Variants in HECW2 observed in about 807,000 individuals in gnomAD.
The protein encoded by HECW2 is HECT, C2 and WW domain containing E3 ubiquitin protein ligase 2.
HECW2 carries 61 observed loss-of-function variants against 175.2 expected under a neutral mutation model. The observed-to-expected ratio is 0.35, with a 90% CI of 0.28 to 0.43. The LOEUF is 0.43. Among genes scored for constraint, HECW2 ranks in the 20% least tolerant of loss-of-function variants. HECW2 has a pLI of 1.00. For synonymous variants in HECW2, 671 were observed against 731.0 expected (o/e 0.92, Z 1.32); for missense variants, 1,524 against 2,000.5 (o/e 0.76, Z 4.54).
At chr2:196,212,178 C>T (rs988056432) in intron 28 of HECW2, among the ~76,000 whole-genome samples, 27 of 140,798 alleles carry the variant, frequency 1.9e-4, no homozygotes, top group Admixed American at 1.7e-3. Context: ...ATCCATTTTT[C>T]TCCCATGTGT....
intron 1 of HECW2, among the ~76,000 whole-genome samples, chr2:196,576,677 C>T (rs1690573473): frequency 6.6e-6 from 1 of 152,068 alleles, no homozygotes; most frequent in Non-Finnish European, 1.5e-5. Flanking sequence ...TTGTATACTT[C>T]AAATTTGCTA....
intron 4 of HECW2, chr2:196,331,319 T>C (rs536653385): frequency 2.0e-6 from 2 of 980,556 alleles, no homozygotes; most frequent in African/African-American, 3.5e-5. Context: ...GAGGCAGCAG[T>C]ACACTGGCCA....
intron 3 of HECW2, among the ~76,000 whole-genome samples, chr2:196,335,231 A>G (rs1261078780): frequency 2.0e-5 from 3 of 152,236 alleles, no homozygotes; most frequent in Non-Finnish European, 4.4e-5. Flanking sequence ...TTTTCTGATA[A>G]TTCCACTTTG....
chr2:196,460,518 C>A (rs949532366), intron 1 of HECW2, among the ~76,000 whole-genome samples: 4 of 148,480 alleles, frequency 2.7e-5, no homozygotes, highest in Non-Finnish European at 6.0e-5. Context: ...ATTCATTTAG[C>A]TTTTTCTTTT....
At chr2:196,542,322 GAGA>G (rs926193186) in intron 1 of HECW2, among the ~76,000 whole-genome samples, 24 of 149,192 alleles carry the variant, frequency 1.6e-4, no homozygotes, top group African/African-American at 5.2e-4. Context: ...GTAAACAAGA[GAGA>G]AGAACAAAAG....
chr2:196,498,818 C>T (rs902045671), intron 1 of HECW2, among the ~76,000 whole-genome samples: 1 of 152,038 alleles, frequency 6.6e-6, no homozygotes, highest in Non-Finnish European at 1.5e-5. Flanking sequence ...AGATTTATAA[C>T]TTCCTCAATT....
intron 1 of HECW2, among the ~76,000 whole-genome samples, chr2:196,544,059 G>T (rs1689319440): frequency 6.6e-6 from 1 of 152,224 alleles, no homozygotes; most frequent in South Asian, 2.1e-4. Context: ...GGGATACAAA[G>T]ATGAAGGAGG....
At chr2:196,339,216 A>G (rs1320027794) in intron 3 of HECW2, among the ~76,000 whole-genome samples, 2 of 152,144 alleles carry the variant, frequency 1.3e-5, no homozygotes, top group African/African-American at 4.8e-5. Context: ...AAAGGCTCTG[A>G]TAGTAAAAAT....
chr2:196,511,345 A>G (rs1458188640), intron 1 of HECW2, among the ~76,000 whole-genome samples: 1 of 152,266 alleles, frequency 6.6e-6, no homozygotes, highest in African/African-American at 2.4e-5. Flanking sequence ...TTCATTTTCT[A>G]GAATCGTTAA....
chr2:196,379,079 CA>C (rs35075483), intron 2 of HECW2, among the ~76,000 whole-genome samples: 10 of 136,500 alleles, frequency 7.3e-5, no homozygotes, highest in East Asian at 2.2e-4. Context: ...TACCAGTGAG[CA>C]AAAAAAAAAA....
chr2:196,241,691 A>C (rs924305438), intron 20 of HECW2, among the ~76,000 whole-genome samples: 1 of 152,202 alleles, frequency 6.6e-6, no homozygotes, highest in Non-Finnish European at 1.5e-5. Context: ...ACAGAACTGA[A>C]CAGAGCTGAG....
chr2:196,242,341 G>T, intron 19 of HECW2, 137 bp from the exon 20 acceptor site: 1 of 1,124,036 alleles, frequency 8.9e-7, no homozygotes, highest in East Asian at 2.6e-5. Context: ...TTTGATTTCT[G>T]CAAGTTGAAG....
chr2:196,278,729 C>A lies in HECW2; in HGVS notation c.3001-67G>T, dbSNP rs552465157. The A allele has an allele frequency of 1.0e-4, 163 of 1,565,768 alleles. 2 individuals carry two copies. In the South Asian group the frequency reaches 1.6e-3, roughly 15 times the overall value. Reference sequence around the variant, plus strand: ...GTCTTAGCTGACTTATAACATCAGACGGTCAGGAAAAGACTCACTTCTGAG... The same window carrying A: ...GTCTTAGCTGACTTATAACATCAGAAGGTCAGGAAAAGACTCACTTCTGAG... On this transcript the variant is annotated intron_variant, in intron 14 of 28. Coordinates refer to ENST00000644978, the MANE Select transcript of HECW2 (RefSeq NM_001348768.2).
intron 28 of HECW2, among the ~76,000 whole-genome samples, chr2:196,207,524 C>T (rs1298039454): frequency 3.9e-5 from 6 of 152,124 alleles, no homozygotes; most frequent in Admixed American, 2.0e-4. Flanking sequence ...GGCAGCAGAG[C>T]ACAATGCCCT....
At chr2:196,251,400 C>T (rs1250383514) in intron 19 of HECW2, among the ~76,000 whole-genome samples, 3 of 152,184 alleles carry the variant, frequency 2.0e-5, no homozygotes, top group African/African-American at 7.2e-5. Context: ...AGTCTATACT[C>T]TAGGTTCCAG....
At chr2:196,411,336 CA>C (rs1695104775) in intron 2 of HECW2, among the ~76,000 whole-genome samples, 1 of 152,122 alleles carries the variant, frequency 6.6e-6, no homozygotes, top group East Asian at 1.9e-4. Flanking sequence ...GGCCAGGTTC[CA>C]GGGTGCAGTG....
chr2:196,292,557 C>G lies in HECW2; in HGVS notation c.3000+8G>C, dbSNP rs373861027. 1 of 1,608,856 alleles carries G rather than the reference C, an allele frequency of 6.2e-7. No individual in the cohort carries two copies. On this transcript the variant is annotated splice_region_variant and intron_variant, in intron 14 of 28. Coordinates refer to ENST00000644978, the MANE Select transcript of HECW2 (RefSeq NM_001348768.2). The stretch of plus-strand genomic sequence containing the variant: ...TTGGCACTCCCTGAGGCATCTCCCT[C>G]GTGTTACCTTGCCCTGGTGATCATG...
intron 5 of HECW2, among the ~76,000 whole-genome samples, chr2:196,327,954 A>G (rs1692214964): frequency 6.6e-6 from 1 of 152,202 alleles, no homozygotes; most frequent in South Asian, 2.1e-4. Flanking sequence ...CAAAACCAAT[A>G]AGTGTGTGTC....
chr2:196,330,145 T>A (rs1356386869), intron 4 of HECW2, among the ~76,000 whole-genome samples: 1 of 152,328 alleles, frequency 6.6e-6, no homozygotes, highest in East Asian at 1.9e-4. Flanking sequence ...GCTTGTGTTC[T>A]ATTGTGCTGC....
Sources: gnomAD v4.1 joint callset for allele counts (sites outside exome capture counted in the v4.1 genomes callset) on GRCh38, gnomAD v4.1.1 for gene constraint, MANE v1.5 for transcripts, NCBI Gene and HGNC (gene_info 2026-07-23, HGNC 2026-07-21) for gene names.